GRID2: variants seen among roughly 807,000 people sequenced by gnomAD.
GRID2 encodes the protein glutamate receptor ionotropic, delta-2.
A neutral mutation model predicts 114.8 loss-of-function variants in GRID2; 33 were observed. The observed-to-expected ratio is 0.29, with a 90% CI of 0.22 to 0.38. The LOEUF is 0.38. GRID2 is among the 10% of genes least tolerant of loss of function. The pLI is 1.00. For synonymous variants in GRID2, 505 were observed against 449.9 expected (o/e 1.12, Z -1.55); for missense variants, 1,184 against 1,257.7 (o/e 0.94, Z 0.89).
chr4:92,904,269 A>G (rs1454906895), intron 2 of GRID2, among the ~76,000 whole-genome samples: 1 of 150,962 alleles, frequency 6.6e-6, no homozygotes, highest in African/African-American at 2.4e-5. Context: ...TCAAAGCATT[A>G]GCTTGTAATT....
At chr4:92,384,204 A>G (rs1251868292) in intron 1 of GRID2, among the ~76,000 whole-genome samples, 1 of 150,538 alleles carries the variant, frequency 6.6e-6, no homozygotes, top group Non-Finnish European at 1.5e-5. Flanking sequence ...TAACTCTACT[A>G]GGACTTTTGG....
Position 92,576,335 on chromosome 4 carries a change from T to C in GRID2, c.89-13796T>C, listed in dbSNP as rs1028586635. ...CACAAGCTGGAATAGCTGATTGGAC[T>C]AAACAGCAGATATGGTGGCCTGGTC... On this transcript the variant is annotated intron_variant, in intron 1 of 15. Coordinates refer to ENST00000282020, the MANE Select transcript of GRID2 (RefSeq NM_001510.4). Among the ~76,000 whole-genome samples, 6 of 152,214 alleles carry C rather than the reference T, an allele frequency of 3.9e-5. No homozygotes were observed. The South Asian group carries it at 1.0e-3, about 26-fold the overall frequency.
At chr4:93,008,097 C>T (rs1275503984) in intron 2 of GRID2, among the ~76,000 whole-genome samples, 1 of 150,748 alleles carries the variant, frequency 6.6e-6, no homozygotes, top group Non-Finnish European at 1.5e-5. Flanking sequence ...CAATTTAAAG[C>T]TCAATTAGTA....
intron 1 of GRID2, among the ~76,000 whole-genome samples, chr4:92,531,408 G>A (rs1014284199): frequency 6.6e-6 from 1 of 151,982 alleles, no homozygotes; most frequent in African/African-American, 2.4e-5. Flanking sequence ...TAGAAGATGA[G>A]AATGAAACCA....
At chr4:93,359,721 C>A (rs1245157864) in intron 8 of GRID2, among the ~76,000 whole-genome samples, 1 of 142,370 alleles carries the variant, frequency 7.0e-6, no homozygotes, top group African/African-American at 2.6e-5. Context: ...CTGGGCTTGG[C>A]TATGGTATTT....
intron 1 of GRID2, among the ~76,000 whole-genome samples, chr4:92,472,154 C>T (rs1389833603): frequency 1.6e-5 from 1 of 62,690 alleles, no homozygotes; most frequent in South Asian, 5.3e-4. Context: ...GGGATGGTCT[C>T]GATCTCCTGA....
At chr4:92,643,648 A>G (rs1004819159) in intron 2 of GRID2, among the ~76,000 whole-genome samples, 3 of 151,800 alleles carry the variant, frequency 2.0e-5, no homozygotes, top group Non-Finnish European at 4.4e-5. Context: ...AAAAATTTCT[A>G]TATACTGGGT....
chr4:93,602,179 T>C (rs181504538), intron 13 of GRID2, among the ~76,000 whole-genome samples: 17 of 152,320 alleles, frequency 1.1e-4, no homozygotes, highest in African/African-American at 4.1e-4. Flanking sequence ...TCAGAGAGGA[T>C]TGTGTTATTA....
At chr4:93,805,819 G>A (rs1000138651) in intron 1 of GRID2, among the ~76,000 whole-genome samples, 5 of 152,194 alleles carry the variant, frequency 3.3e-5, no homozygotes, top group East Asian at 1.9e-4. Context: ...ATATTCGGCC[G>A]AGTGTGGTGG....
At chr4:93,452,899 TTTA>T (rs1380330648) in intron 10 of GRID2, among the ~76,000 whole-genome samples, 2 of 151,912 alleles carry the variant, frequency 1.3e-5, no homozygotes, top group Non-Finnish European at 2.9e-5. Flanking sequence ...CCTTTTTTTT[TTTA>T]TTATACTTTA....
At chr4:92,826,078 T>G (rs1230197910) in intron 2 of GRID2, among the ~76,000 whole-genome samples, 4 of 152,114 alleles carry the variant, frequency 2.6e-5, no homozygotes, top group Admixed American at 2.0e-4. Flanking sequence ...GTTTTCTCTT[T>G]CATTCAGAGT....
chr4:93,168,291 G>A lies in GRID2; in HGVS notation c.736-39113G>A, dbSNP rs200758872. On this transcript the variant is annotated intron_variant, in intron 4 of 15. Coordinates refer to ENST00000282020, the MANE Select transcript of GRID2 (RefSeq NM_001510.4). ...AAAGAGAAAGGAAAGGAAAGGGGAA[G>A]AAAGAAAGAGAAAGAAAGACTTTTG... Among the ~76,000 whole-genome samples the A allele has an allele frequency of 2.0e-5, 3 of 151,312 alleles. No homozygotes were observed. The Admixed American group carries it at 2.0e-4, about 10-fold the overall frequency.
At chr4:93,638,005 T>A (rs1721570555) in intron 14 of GRID2, among the ~76,000 whole-genome samples, 1 of 152,044 alleles carries the variant, frequency 6.6e-6, no homozygotes, top group Non-Finnish European at 1.5e-5. Flanking sequence ...AAGATAAAAA[T>A]ATAAGAATTT....
At chr4:92,908,788 T>C (rs1326663863) in intron 2 of GRID2, among the ~76,000 whole-genome samples, 1 of 152,174 alleles carries the variant, frequency 6.6e-6, no homozygotes, top group Non-Finnish European at 1.5e-5. Context: ...GACATACTTT[T>C]CTTTTAGCAC....
At chr4:93,655,687 A>T (rs1722938236) in intron 14 of GRID2, among the ~76,000 whole-genome samples, 1 of 152,144 alleles carries the variant, frequency 6.6e-6, no homozygotes, top group Admixed American at 6.5e-5. Flanking sequence ...TCTTTATAAC[A>T]AAATATTAAA....
intron 2 of GRID2, among the ~76,000 whole-genome samples, chr4:92,952,226 T>C (rs1015178269): frequency 6.6e-6 from 1 of 152,214 alleles, no homozygotes; most frequent in Non-Finnish European, 1.5e-5. Context: ...AAATCTTTAT[T>C]ATTCTGATAG....
chr4:93,485,116 G>C (rs1262121151), intron 11 of GRID2, among the ~76,000 whole-genome samples: 1 of 151,702 alleles, frequency 6.6e-6, no homozygotes, highest in East Asian at 1.9e-4. Flanking sequence ...TAATCATTCT[G>C]GTGGCTGTGG....
At chr4:93,332,985 G>T (rs1758658543) in intron 8 of GRID2, among the ~76,000 whole-genome samples, 2 of 152,088 alleles carry the variant, frequency 1.3e-5, no homozygotes, top group African/African-American at 4.8e-5. Context: ...GATAAAACAT[G>T]CTTTATTCCT....
At chr4:92,696,611 G>C (rs2149297557) in intron 2 of GRID2, among the ~76,000 whole-genome samples, 1 of 152,194 alleles carries the variant, frequency 6.6e-6, no homozygotes, top group African/African-American at 2.4e-5. Context: ...ATTTGAGCCA[G>C]AATCGTATAT....
Sources: gnomAD v4.1 joint callset for allele counts (sites outside exome capture counted in the v4.1 genomes callset) on GRCh38, gnomAD v4.1.1 for gene constraint, MANE v1.5 for transcripts, NCBI Gene and HGNC (gene_info 2026-07-23, HGNC 2026-07-21) for gene names.